The following AFF3 variants were observed in gnomAD, a reference collection of about 807,000 sequenced individuals.
AFF3 encodes the protein AF4/FMR2 family member 3.
AFF3 carries 32 observed loss-of-function variants against 129.7 expected under a neutral mutation model. The ratio of observed to expected loss-of-function variants is 0.25; its 90% confidence interval spans 0.19 to 0.33. The LOEUF is 0.33. Ranked by LOEUF, AFF3 falls within the 10% of genes least tolerant of loss-of-function variation. AFF3 has a pLI of 1.00. For synonymous variants in AFF3, 644 were observed against 635.4 expected (o/e 1.01, Z -0.20); for missense variants, 1,373 against 1,592.0 (o/e 0.86, Z 2.34).
At chr2:100,039,310 G>A (rs1046461040) in intron 4 of AFF3, among the ~76,000 whole-genome samples, 24 of 152,168 alleles carry the variant, frequency 1.6e-4, no homozygotes, top group African/African-American at 5.8e-4. Context: ...TATAGACTCA[G>A]GGCTTTAGGA....
intron 4 of AFF3, among the ~76,000 whole-genome samples, chr2:100,027,664 T>C (rs906459981): frequency 1.3e-5 from 2 of 152,172 alleles, no homozygotes; most frequent in Non-Finnish European, 2.9e-5. Flanking sequence ...TTTACTCCTA[T>C]CTAGTTAAAC....
intron 7 of AFF3, among the ~76,000 whole-genome samples, chr2:99,847,602 T>A (rs755262235): frequency 1.3e-5 from 2 of 151,974 alleles, no homozygotes; most frequent in Non-Finnish European, 2.9e-5. Context: ...AAAAACAAGG[T>A]GCGTGTCCCA....
At chr2:99,608,146 C>T (rs2105166315) in intron 13 of AFF3, among the ~76,000 whole-genome samples, 1 of 152,322 alleles carries the variant, frequency 6.6e-6, no homozygotes, top group Non-Finnish European at 1.5e-5. Flanking sequence ...GGCAATAATA[C>T]ATTTCTCAGC....
At chr2:100,002,202 T>C (rs1276991941) in intron 7 of AFF3, among the ~76,000 whole-genome samples, 3 of 152,218 alleles carry the variant, frequency 2.0e-5, no homozygotes, top group African/African-American at 4.8e-5. Context: ...CTGGCATGAA[T>C]ATGTAATGTA....
chr2:100,073,170 G>C (rs1434464720), intron 4 of AFF3, among the ~76,000 whole-genome samples: 1 of 152,200 alleles, frequency 6.6e-6, no homozygotes, highest in Non-Finnish European at 1.5e-5. Context: ...CAATGCTTCA[G>C]AATGTGACTT....
intron 4 of AFF3, among the ~76,000 whole-genome samples, chr2:100,058,578 T>C (rs1021407600): frequency 3.3e-5 from 5 of 152,206 alleles, no homozygotes; most frequent in Non-Finnish European, 7.3e-5. Context: ...TTCTTTTTTT[T>C]TGGATGGCTA....
At chr2:99,868,721 C>T (rs985664035) in intron 7 of AFF3, among the ~76,000 whole-genome samples, 1 of 152,132 alleles carries the variant, frequency 6.6e-6, no homozygotes, top group Non-Finnish European at 1.5e-5. Flanking sequence ...TGGGTGGTCA[C>T]TGTGTTCTCT....
At chr2:100,141,410 G>A (rs918453159) in intron 1 of AFF3, among the ~76,000 whole-genome samples, 2 of 152,204 alleles carry the variant, frequency 1.3e-5, no homozygotes, top group Non-Finnish European at 2.9e-5. Flanking sequence ...ACAGTGAGAT[G>A]GGATAGCCCT....
At chr2:99,799,631 A>G (rs1177189602) in intron 8 of AFF3, among the ~76,000 whole-genome samples, 1 of 152,098 alleles carries the variant, frequency 6.6e-6, no homozygotes, top group Non-Finnish European at 1.5e-5. Flanking sequence ...TGGTTCTAAA[A>G]TTTACACAGA....
At chr2:100,022,577 A>AT (rs1009150812) in intron 4 of AFF3, among the ~76,000 whole-genome samples, 12 of 151,590 alleles carry the variant, frequency 7.9e-5, no homozygotes, top group East Asian at 1.9e-4. Flanking sequence ...TGCCTGGCCA[A>AT]TTTTTTTTAT....
At chr2:99,599,121 G>A (rs539155761) in intron 14 of AFF3, among the ~76,000 whole-genome samples, 2 of 152,176 alleles carry the variant, frequency 1.3e-5, no homozygotes, top group Admixed American at 6.5e-5. Context: ...TCTCCTTAGC[G>A]AGGGGCCTCT....
chr2:99,882,624 T>C (rs530549913), intron 7 of AFF3, among the ~76,000 whole-genome samples: 69 of 152,364 alleles, frequency 4.5e-4, no homozygotes, highest in Admixed American at 3.8e-3. Context: ...TGAAAGAGCA[T>C]ATCATGACAG....
chr2:99,654,789 G>A (rs1685599525), intron 12 of AFF3, among the ~76,000 whole-genome samples: 1 of 152,076 alleles, frequency 6.6e-6, no homozygotes, highest in Non-Finnish European at 1.5e-5. Flanking sequence ...GCCATTTTCA[G>A]GTTCTCCTCA....
rs958715364 is a variant in AFF3, at chr2:99,897,513, G to A, written c.874-59989C>T. ...TGGAGGCCTGCTCAGACCCACTCGGGTCTCTCTGCTCATGTTGGTCATCTC... is the reference window on the plus strand; with the variant it reads ...TGGAGGCCTGCTCAGACCCACTCGGATCTCTCTGCTCATGTTGGTCATCTC... On this transcript the variant is annotated intron_variant, in intron 7 of 24. Coordinates refer to ENST00000672756, the MANE Select transcript of AFF3 (RefSeq NM_001386135.1). Among the ~76,000 whole-genome samples, 18 of 152,208 alleles carry A rather than the reference G, an allele frequency of 1.2e-4. 1 individual carries two copies. The highest frequency in any genetic ancestry group is 4.4e-5 in the Non-Finnish European group (3 of 68,018).
At chr2:99,959,428 A>G (rs576660598) in intron 7 of AFF3, among the ~76,000 whole-genome samples, 5 of 151,556 alleles carry the variant, frequency 3.3e-5, no homozygotes, top group Non-Finnish European at 7.4e-5. Context: ...AATATCAAAA[A>G]TAGTCTAGTT....
At chr2:99,567,199 C>T (rs1479547588) in intron 19 of AFF3, among the ~76,000 whole-genome samples, 2 of 149,730 alleles carry the variant, frequency 1.3e-5, no homozygotes, top group Non-Finnish European at 3.0e-5. Context: ...AGGCTGGTCT[C>T]GAACTCCTGA....
intron 7 of AFF3, among the ~76,000 whole-genome samples, chr2:99,868,302 G>A (rs1308966838): frequency 1.3e-5 from 2 of 152,044 alleles, no homozygotes; most frequent in South Asian, 2.1e-4. Flanking sequence ...TAATGCTAAA[G>A]TAGCTAATTG....
chr2:99,609,147 T>A (rs1174709785), intron 13 of AFF3, among the ~76,000 whole-genome samples: 2 of 152,206 alleles, frequency 1.3e-5, no homozygotes, highest in Non-Finnish European at 2.9e-5. Context: ...AAAGAATGGC[T>A]ACTCCATAGA....
At chr2:100,036,134 TAAAAAAAAAAAAAA>T (rs59136725) in intron 4 of AFF3, among the ~76,000 whole-genome samples, 2 of 64,340 alleles carry the variant, frequency 3.1e-5, no homozygotes, top group African/African-American at 1.4e-4. Context: ...AATACAGTGC[TAAAAAAAAAAAAAA>T]AAAAAAAAAA....
Sources: gnomAD v4.1 joint callset for allele counts (sites outside exome capture counted in the v4.1 genomes callset) on GRCh38, gnomAD v4.1.1 for gene constraint, MANE v1.5 for transcripts, NCBI Gene and HGNC (gene_info 2026-07-23, HGNC 2026-07-21) for gene names.